The following DIAPH3 variants were observed in gnomAD, a reference collection of about 807,000 sequenced individuals.
DIAPH3 encodes protein diaphanous homolog 3.
Under a neutral mutation model 144.3 loss-of-function variants are expected in DIAPH3, and 117 were observed. The ratio of observed to expected loss-of-function variants is 0.81; its 90% CI spans 0.70 to 0.95. The LOEUF (loss-of-function observed/expected upper bound fraction) is 0.95, where lower values mean the gene tolerates loss of function less well. DIAPH3 is among the 40% of genes least tolerant of loss of function. DIAPH3 has a pLI of 0.00. For missense variants in DIAPH3, 1,421 were observed against 1,412.7 expected (o/e 1.01, Z -0.09); for synonymous variants, 519 against 488.9 (o/e 1.06, Z -0.81).
rs182615796 is a variant in DIAPH3, at chr13:59,973,656, G to A, written c.1650+696C>T. Among the ~76,000 whole-genome samples the A allele has an allele frequency of 4.3e-4, 65 of 152,112 alleles. No homozygotes were observed. The East Asian group carries it at 0.011, about 26-fold the overall frequency. On this transcript the variant is annotated intron_variant, in intron 15 of 27. Coordinates refer to ENST00000400324, the MANE Select transcript of DIAPH3 (RefSeq NM_001042517.2). ...GTAAGATAGGATATAGTATACCTGA[G>A]ACTATTTCAACATAACTGTAAATTA...
At chr13:59,679,471 G>A (rs2032823958) in intron 27 of DIAPH3, among the ~76,000 whole-genome samples, 1 of 152,116 alleles carries the variant, frequency 6.6e-6, no homozygotes, top group African/African-American at 2.4e-5. Context: ...GGGGCTTTGG[G>A]CTTTGGAGCA....
At position 59,666,390 on chromosome 13, in the gene DIAPH3, C is replaced by T. The variant is rs1019452002; in HGVS notation, c.*194G>A. ...AAAAAAAAAGGATTAAAGCCCGGTA[C>T]AATCTTGAATAAACCAAAACCTCCA... On this transcript the variant is annotated 3_prime_UTR_variant, in exon 28 of 28. Coordinates refer to ENST00000400324, the MANE Select transcript of DIAPH3 (RefSeq NM_001042517.2). 5.6e-6 allele frequency: 3 copies of T among 535,580 alleles called. No homozygotes were observed. Among genetic ancestry groups the T allele is most frequent in the Admixed American group, 7.5e-5 (2 of 26,578 alleles). 33.2% of individuals were successfully genotyped at this position (535,580 alleles called of 1,614,324 possible).
intron 1 of DIAPH3, among the ~76,000 whole-genome samples, chr13:60,143,236 C>T (rs1414936662): frequency 1.3e-5 from 2 of 152,148 alleles, no homozygotes; most frequent in Non-Finnish European, 1.5e-5. Flanking sequence ...CCACATCAAG[C>T]GTGCCTTCCT....
chr13:59,915,025 T>C (rs183555776), intron 19 of DIAPH3, among the ~76,000 whole-genome samples: 1 of 152,148 alleles, frequency 6.6e-6, no homozygotes, highest in African/African-American at 2.4e-5. Context: ...CAAAACCACA[T>C]GTTCATTTAA....
chr13:60,147,015 C>G (rs1380691095), intron 1 of DIAPH3, among the ~76,000 whole-genome samples: 1 of 152,166 alleles, frequency 6.6e-6, no homozygotes, highest in Non-Finnish European at 1.5e-5. Flanking sequence ...AAAACTGCAT[C>G]ATCTTTGCCA....
At chr13:59,762,080 T>TTTTTTTTTTTTTTTTTA (rs1593781875) in intron 27 of DIAPH3, among the ~76,000 whole-genome samples, 1 of 80,952 alleles carries the variant, frequency 1.2e-5, no homozygotes. Context: ...TTTTTTTTTT[T>TTTTTTTTTTTTTTTTTA]AGACAGTCTT....
intron 27 of DIAPH3, among the ~76,000 whole-genome samples, chr13:59,728,067 A>C (rs1168086512): frequency 0.058 from 53 of 912 alleles, 1 homozygote; most frequent in Non-Finnish European, 0.12. Flanking sequence ...ACAGGGCATC[A>C]AAAAAAAAAA....
chr13:59,808,467 C>T (rs2040303196), intron 25 of DIAPH3, among the ~76,000 whole-genome samples: 2 of 151,848 alleles, frequency 1.3e-5, no homozygotes, highest in Non-Finnish European at 2.9e-5. Flanking sequence ...ACAATCATAA[C>T]CCAATGTTGA....
In DIAPH3 at chr13:60,108,625, A is replaced by G. The variant is rs550689215; in HGVS notation, c.390+3385T>C. ...CGTCTCGAAAAAAAAATAAAAATTA[A>G]AAAATGAAGTATAAGAAGTCTCTAA... On this transcript the variant is annotated intron_variant, in intron 3 of 27. Transcript: ENST00000400324. Among the ~76,000 whole-genome samples, 502 of 152,252 alleles carry G rather than the reference A, an allele frequency of 3.3e-3. 2 individuals carry two copies. Among genetic ancestry groups the G allele is most frequent in the African/African-American group, 0.011 (462 of 41,550 alleles).
chr13:59,780,405 C>T (rs980527290), intron 25 of DIAPH3, among the ~76,000 whole-genome samples: 1 of 152,112 alleles, frequency 6.6e-6, no homozygotes, highest in Non-Finnish European at 1.5e-5. Context: ...TTTATATTTA[C>T]AGTATTCTAA....
intron 21 of DIAPH3, among the ~76,000 whole-genome samples, chr13:59,868,848 C>A (rs1174427324): frequency 6.6e-6 from 1 of 152,150 alleles, no homozygotes; most frequent in Non-Finnish European, 1.5e-5. Flanking sequence ...TGGTTTCTAT[C>A]ACTTAGCAAT....
intron 21 of DIAPH3, 136 bp from the exon 22 acceptor site, chr13:59,861,672 CAA>C: frequency 1.0e-6 from 1 of 991,534 alleles, no homozygotes; most frequent in Non-Finnish European, 1.5e-6. Flanking sequence ...TTTTGAAAAA[CAA>C]ATATTTAAAT....
chr13:59,938,452 C>T (rs149846240), intron 17 of DIAPH3, among the ~76,000 whole-genome samples: 156 of 152,016 alleles, frequency 1.0e-3, no homozygotes, highest in African/African-American at 3.3e-3. Flanking sequence ...CCACAAAAAA[C>T]GTAAAAATTA....
Position 59,953,913 on chromosome 13 carries a change from G to A in DIAPH3, c.2074+16031C>T, listed in dbSNP as rs1216987490. Among the ~76,000 whole-genome samples the A allele has an allele frequency of 2.0e-5, 3 of 152,128 alleles. No individual in the cohort carries two copies. In the East Asian group the frequency reaches 5.8e-4, roughly 29 times the overall value. Reference sequence around the variant, plus strand: ...ATTTGGAAGCTATTTTTTTAAAGAGGTATTTGAAGAAAGTATGTAATAAAT... The same window carrying A: ...ATTTGGAAGCTATTTTTTTAAAGAGATATTTGAAGAAAGTATGTAATAAAT... On this transcript the variant is annotated intron_variant, in intron 17 of 27. Transcript: ENST00000400324.
chr13:59,966,984 A>T (rs1207678858), intron 17 of DIAPH3, among the ~76,000 whole-genome samples: 1 of 152,228 alleles, frequency 6.6e-6, no homozygotes, highest in African/African-American at 2.4e-5. Flanking sequence ...GTGGAAAGAC[A>T]AATGGATTTT....
At chr13:59,728,488 G>A (rs2035715223) in intron 27 of DIAPH3, among the ~76,000 whole-genome samples, 1 of 152,034 alleles carries the variant, frequency 6.6e-6, no homozygotes, top group Admixed American at 6.6e-5. Context: ...AGAGATAGTG[G>A]TAACATTAAT....
intron 24 of DIAPH3, 187 bp downstream of exon 24, chr13:59,832,920 G>C (rs341514): frequency 1.7e-6 from 1 of 585,190 alleles, no homozygotes; most frequent in African/African-American, 1.9e-5. Context: ...ACAGCTTAAT[G>C]TTGGAAAGGC....
intron 27 of DIAPH3, among the ~76,000 whole-genome samples, chr13:59,720,144 T>G (rs1352751357): frequency 6.6e-6 from 1 of 152,190 alleles, no homozygotes; most frequent in African/African-American, 2.4e-5. Flanking sequence ...TGTAAATATT[T>G]GTGTATCTAA....
intron 25 of DIAPH3, among the ~76,000 whole-genome samples, chr13:59,781,247 C>A (rs556615242): frequency 5.3e-5 from 8 of 152,092 alleles, no homozygotes; most frequent in Admixed American, 5.2e-4. Flanking sequence ...ACACTGAATT[C>A]CAAAAGATAG....
Sources: allele counts gnomAD v4.1 joint callset (sites outside exome capture counted in the v4.1 genomes callset), GRCh38; gene constraint gnomAD v4.1.1; transcripts MANE v1.5; gene names NCBI Gene and HGNC (gene_info 2026-07-23, HGNC 2026-07-21).